Variants in UBE4B observed in about 807,000 individuals in gnomAD.
UBE4B encodes the protein ubiquitin conjugation factor E4 B.
UBE4B carries 27 observed loss-of-function variants against 148.1 expected under a neutral mutation model. The observed-to-expected ratio is 0.18, with a 90% confidence interval of 0.13 to 0.25. The LOEUF (loss-of-function observed/expected upper bound fraction) is 0.25, where lower values mean the gene tolerates loss of function less well. UBE4B is among the 10% of genes least tolerant of loss of function. UBE4B has a pLI of 1.00. For missense variants in UBE4B, 1,170 were observed against 1,662.4 expected (o/e 0.70, Z 5.15); for synonymous variants, 596 against 619.3 (o/e 0.96, Z 0.56).
intron 4 of UBE4B, 58 bp downstream of exon 4, chr1:10,101,253 T>C: frequency 6.4e-7 from 1 of 1,552,700 alleles, no homozygotes. Context: ...TTTCATGTCT[T>C]GTATCTGTAG....
chr1:10,104,805 G>A (rs988893484), intron 5 of UBE4B, among the ~76,000 whole-genome samples: 5 of 150,596 alleles, frequency 3.3e-5, no homozygotes, highest in Admixed American at 6.6e-5. Context: ...GTTAAAACAA[G>A]TGTCTTACAC....
intron 1 of UBE4B, chr1:10,054,670 G>C: frequency 3.8e-6 from 1 of 266,520 alleles, no homozygotes; most frequent in Non-Finnish European, 7.3e-6. Flanking sequence ...TACAATGCCA[G>C]CAGCATGCTG....
At chr1:10,169,879 G>A (rs1464472122) in intron 24 of UBE4B, among the ~76,000 whole-genome samples, 1 of 152,200 alleles carries the variant, frequency 6.6e-6, no homozygotes, top group Admixed American at 6.5e-5. Context: ...GCCAGGCGTG[G>A]TAGTGCATGC....
At chr1:10,102,391 CTTTTTTTTTTTTTTTTT>C (rs33997625) in intron 4 of UBE4B, among the ~76,000 whole-genome samples, 28 of 51,566 alleles carry the variant, frequency 5.4e-4, no homozygotes, top group Non-Finnish European at 9.0e-4. Context: ...TGACTTTGCT[CTTTTTTTTTTTTTTTTT>C]TTTTTTTTTT....
At chr1:10,175,855 G>T (rs191718298) in intron 25 of UBE4B, among the ~76,000 whole-genome samples, 50 of 151,862 alleles carry the variant, frequency 3.3e-4, no homozygotes, top group African/African-American at 1.2e-3. Context: ...AATATATAAC[G>T]TAGAAGTAAC....
intron 14 of UBE4B, 142 bp downstream of exon 14, chr1:10,130,955 T>C (rs2101942602): frequency 1.5e-6 from 1 of 688,774 alleles, no homozygotes; most frequent in South Asian, 1.8e-5. Context: ...AGATAAACTA[T>C]AAGTAAGTAG....
chr1:10,072,574 C>G (rs1292850310), intron 2 of UBE4B: 6 of 691,708 alleles, frequency 8.7e-6, no homozygotes, highest in Non-Finnish European at 1.6e-5. Flanking sequence ...AAATAATGGT[C>G]AAAATGAACA....
intron 20 of UBE4B, among the ~76,000 whole-genome samples, chr1:10,151,094 C>T (rs574341664): frequency 1.4e-3 from 209 of 150,702 alleles, no homozygotes; most frequent in African/African-American, 4.9e-3. Context: ...ACCTGGGAGG[C>T]GGAGCTTGCA....
rs1643383529 is a variant in UBE4B at position 10,033,573 on chromosome 1, G to A, written c.-98G>A. The A allele has an allele frequency of 1.5e-6, 2 of 1,371,174 alleles. No individual in the cohort carries two copies. The highest frequency in any genetic ancestry group is 5.7e-5 in the Admixed American group (2 of 35,048). 84.9% of individuals were successfully genotyped at this position (1,371,174 alleles called of 1,614,324 possible). On this transcript the variant is annotated 5_prime_UTR_variant, in exon 1 of 28. Transcript: ENST00000343090. ...GAAACCTCCCCCATTCGGGGGACCA[G>A]ACAGCCTGATAGACACCTTCCACTC...
At chr1:10,048,580 T>A (rs1223721666) in intron 1 of UBE4B, among the ~76,000 whole-genome samples, 1 of 152,118 alleles carries the variant, frequency 6.6e-6, no homozygotes, top group Non-Finnish European at 1.5e-5. Context: ...TGGAGGACAG[T>A]CTAGAGAGCA....
intron 23 of UBE4B, among the ~76,000 whole-genome samples, chr1:10,165,825 A>G (rs1283090362): frequency 6.6e-6 from 1 of 151,756 alleles, no homozygotes. Context: ...TTTCCTCATC[A>G]CTGTCAGACT....
At chr1:10,033,833 C>A (rs768918175) in intron 1 of UBE4B, 139 bp downstream of exon 1, 50 of 883,622 alleles carry the variant, frequency 5.7e-5, no homozygotes, top group Non-Finnish European at 7.8e-5. Context: ...AATAACGTGA[C>A]TCCCCGATAG....
At chr1:10,119,266 C>T (rs147212306) in intron 8 of UBE4B, among the ~76,000 whole-genome samples, 2,625 of 152,240 alleles carry the variant, frequency 0.017, 33 homozygotes, top group Non-Finnish European at 0.027. Context: ...AGCCACCGCG[C>T]CTGGCCTCTA....
At chr1:10,104,241 A>G (rs1056005037) in intron 5 of UBE4B, among the ~76,000 whole-genome samples, 2 of 152,208 alleles carry the variant, frequency 1.3e-5, no homozygotes, top group African/African-American at 2.4e-5. Context: ...TGTTTCTGAT[A>G]TTCCACTTTA....
At chr1:10,086,704 CT>C (rs568502686) in intron 2 of UBE4B, among the ~76,000 whole-genome samples, 20 of 148,850 alleles carry the variant, frequency 1.3e-4, no homozygotes, top group South Asian at 4.2e-4. Flanking sequence ...TCTCTTTTCT[CT>C]TTTTTTTTTG....
intron 1 of UBE4B, among the ~76,000 whole-genome samples, chr1:10,034,630 C>A (rs1291080571): frequency 6.6e-6 from 1 of 152,206 alleles, no homozygotes; most frequent in Non-Finnish European, 1.5e-5. Context: ...CACATTTCTT[C>A]ACTGGTTCAT....
At chr1:10,064,826 C>T (rs1373767010) in intron 1 of UBE4B, among the ~76,000 whole-genome samples, 1 of 150,874 alleles carries the variant, frequency 6.6e-6, no homozygotes, top group Non-Finnish European at 1.5e-5. Context: ...TGCAATGGTG[C>T]AATCTCTGCT....
chr1:10,069,476 A>T (rs1402322609), intron 1 of UBE4B, among the ~76,000 whole-genome samples: 2 of 152,202 alleles, frequency 1.3e-5, no homozygotes, highest in Non-Finnish European at 2.9e-5. Flanking sequence ...CGGAGAAAAA[A>T]TAAGTAGGGA....
intron 1 of UBE4B, 88 bp downstream of exon 1, chr1:10,033,782 C>A: frequency 7.5e-7 from 1 of 1,337,982 alleles, no homozygotes; most frequent in East Asian, 2.8e-5. Flanking sequence ...TGCTGTCTGG[C>A]CTTTGGGCTT....
Sources: allele counts gnomAD v4.1 joint callset (sites outside exome capture counted in the v4.1 genomes callset), GRCh38; gene constraint gnomAD v4.1.1; transcripts MANE v1.5; gene names NCBI Gene and HGNC (gene_info 2026-07-23, HGNC 2026-07-21).